Variants in PPM1H observed in about 807,000 individuals in gnomAD.
The protein encoded by PPM1H is protein phosphatase, Mg2+/Mn2+ dependent 1H.
PPM1H carries 27 observed loss-of-function variants against 54.9 expected under a neutral mutation model. The observed-to-expected ratio is 0.49, with a 90% CI of 0.36 to 0.68. PPM1H has a LOEUF of 0.68. Among genes scored for constraint, PPM1H ranks in the 30% least tolerant of loss-of-function variants. The pLI, the probability that PPM1H is intolerant of heterozygous loss-of-function variation, is 0.00. For missense variants in PPM1H, 596 were observed against 667.8 expected, an observed-to-expected ratio of 0.89 and a Z score of 1.19; for synonymous variants, 305 against 270.8, an observed-to-expected ratio of 1.13 and a Z score of -1.24.
chr12:62,728,574 C>T (rs998486459), intron 5 of PPM1H, among the ~76,000 whole-genome samples: 1 of 152,228 alleles, frequency 6.6e-6, no homozygotes, highest in East Asian at 1.9e-4. Context: ...GAAGAAGAGG[C>T]ACCTTCCAGA....
intron 6 of PPM1H, among the ~76,000 whole-genome samples, chr12:62,703,568 T>C (rs342177): frequency 0.56 from 84,390 of 151,654 alleles, 26,970 homozygotes; most frequent in African/African-American, 0.88. Flanking sequence ...TTCTTGCCTT[T>C]CTATAACAAA....
At chr12:62,792,913 C>CT in intron 3 of PPM1H, among the ~76,000 whole-genome samples, 1 of 152,170 alleles carries the variant, frequency 6.6e-6, no homozygotes, top group Admixed American at 6.5e-5. Flanking sequence ...CATTATCTAC[C>CT]TTTTTTCTTC....
intron 8 of PPM1H, among the ~76,000 whole-genome samples, chr12:62,677,215 T>C (rs2075992530): frequency 1.3e-5 from 2 of 152,322 alleles, no homozygotes; most frequent in South Asian, 4.1e-4. Flanking sequence ...AAGCACCTCT[T>C]CACCTTGCTC....
chr12:62,806,193 G>A (rs376147462), intron 2 of PPM1H, among the ~76,000 whole-genome samples: 1 of 149,554 alleles, frequency 6.7e-6, no homozygotes, highest in East Asian at 2.0e-4. Flanking sequence ...TTTTTTAATT[G>A]AAGCCATTAA....
chr12:62,829,753 A>G (rs1256259790), intron 2 of PPM1H, among the ~76,000 whole-genome samples: 1 of 152,238 alleles, frequency 6.6e-6, no homozygotes, highest in East Asian at 1.9e-4. Flanking sequence ...ACTGTTCTTA[A>G]GGACAAGAAG....
chr12:62,797,338 G>A (rs1447901171), intron 3 of PPM1H, among the ~76,000 whole-genome samples: 1 of 152,200 alleles, frequency 6.6e-6, no homozygotes, highest in Admixed American at 6.5e-5. Context: ...GGGATTAAAA[G>A]TGGAAGAGAA....
At chr12:62,780,079 T>C (rs115786362) in intron 4 of PPM1H, among the ~76,000 whole-genome samples, 2,041 of 152,288 alleles carry the variant, frequency 0.013, 44 homozygotes, top group African/African-American at 0.047. Context: ...GTAAAATTCA[T>C]GTAAAGCCCT....
At chr12:62,931,744 A>G (rs1411208539) in intron 1 of PPM1H, among the ~76,000 whole-genome samples, 3 of 152,220 alleles carry the variant, frequency 2.0e-5, no homozygotes, top group African/African-American at 4.8e-5. Flanking sequence ...TATGGAAATG[A>G]TAGTGCCTAC....
intron 4 of PPM1H, among the ~76,000 whole-genome samples, chr12:62,761,634 G>A (rs1401460618): frequency 6.6e-6 from 1 of 152,066 alleles, no homozygotes; most frequent in African/African-American, 2.4e-5. Flanking sequence ...AGCCTTATAG[G>A]CCCTCATTTC....
intron 4 of PPM1H, among the ~76,000 whole-genome samples, chr12:62,768,761 A>G (rs983430476): frequency 6.6e-5 from 10 of 152,126 alleles, no homozygotes; most frequent in Admixed American, 5.2e-4. Flanking sequence ...GAGCAAATAC[A>G]GATATGTAGG....
rs1308067310 is a variant in PPM1H, at chr12:62,876,200, A to G, written c.246-43921T>C. Among the ~76,000 whole-genome samples the G allele has an allele frequency of 2.6e-5, 4 of 152,238 alleles. No individual in the cohort carries two copies. In the East Asian group the frequency reaches 5.8e-4, roughly 22 times the overall value. The stretch of plus-strand genomic sequence containing the variant: ...AATAAAAGGCATGGATTTGAGATCT[A>G]AAAACAAAGTGTACAAATACACGGA... On this transcript the variant is annotated intron_variant, in intron 1 of 9. Transcript: ENST00000228705.
intron 6 of PPM1H, among the ~76,000 whole-genome samples, chr12:62,713,991 CA>C (rs1320490518): frequency 1.3e-5 from 2 of 151,736 alleles, no homozygotes; most frequent in African/African-American, 4.8e-5. Context: ...AAAAACAAAC[CA>C]AAACAAAAAA....
intron 1 of PPM1H, among the ~76,000 whole-genome samples, chr12:62,884,529 A>C: frequency 6.6e-6 from 1 of 150,534 alleles, no homozygotes; most frequent in African/African-American, 2.5e-5. Context: ...GAAAGAAAGA[A>C]AGAGAGAAAA....
At chr12:62,756,433 C>T (rs1322018488) in intron 4 of PPM1H, among the ~76,000 whole-genome samples, 1 of 138,190 alleles carries the variant, frequency 7.2e-6, no homozygotes, top group Non-Finnish European at 1.6e-5. Flanking sequence ...TGCACTCAGC[C>T]AAAAAAAAAA....
chr12:62,711,747 A>G (rs924363323), intron 6 of PPM1H, among the ~76,000 whole-genome samples: 21 of 152,188 alleles, frequency 1.4e-4, no homozygotes, highest in African/African-American at 5.1e-4. Context: ...ACTTTTACTC[A>G]TTGAAGCAGA....
intron 6 of PPM1H, among the ~76,000 whole-genome samples, chr12:62,701,151 T>G (rs2076141750): frequency 6.6e-6 from 1 of 152,220 alleles, no homozygotes; most frequent in South Asian, 2.1e-4. Flanking sequence ...ATGCAGAGGC[T>G]TTATTCGTAT....
chr12:62,931,186 A>G (rs1872121454), intron 1 of PPM1H, among the ~76,000 whole-genome samples: 1 of 152,190 alleles, frequency 6.6e-6, no homozygotes, highest in East Asian at 1.9e-4. Context: ...TTTCCTCCCA[A>G]GGAAGGCTTG....
rs370968549 is a variant in PPM1H at position 62,802,017 on chromosome 12, G to T, written c.555C>A (p.Ala185=). ...QDIVDILKNS[A]VLPPTCLGEE... ...CCCCCAGGCAGGTAGGGGGCAGGAC[G>T]GCGGAGTTCTTCAGGATGTCCACGA... The change falls in exon 3 of 10, where the codon GCC becomes GCA. Residue 185 remains alanine, a synonymous_variant. Transcript: ENST00000228705. 1.2e-5 allele frequency: 20 copies of T among 1,613,488 alleles called. No homozygotes were observed. In the East Asian group the frequency reaches 4.0e-4, roughly 32 times the overall value.
At chr12:62,650,335 AT>A (rs913636352) in intron 9 of PPM1H, among the ~76,000 whole-genome samples, 1 of 151,468 alleles carries the variant, frequency 6.6e-6, no homozygotes, top group Non-Finnish European at 1.5e-5. Context: ...TAGGTGAATA[AT>A]TTTTTCTATC....
Sources: gnomAD v4.1 joint callset for allele counts (sites outside exome capture counted in the v4.1 genomes callset) on GRCh38, gnomAD v4.1.1 for gene constraint, MANE v1.5 for transcripts, NCBI Gene and HGNC (gene_info 2026-07-23, HGNC 2026-07-21) for gene names.